The following LOC400499 variants were observed in gnomAD, a reference collection of about 807,000 sequenced individuals.
At chr16:11,385,603 T>C in the LOC400499 span, among the ~76,000 whole-genome samples, 8 of 152,310 alleles carry the variant, frequency 5.3e-5, no homozygotes, top group Admixed American at 5.2e-4. Flanking sequence ...CAAGATGACA[T>C]GAGCTGAAGG....
chr16:11,398,147 T>C, the LOC400499 span, among the ~76,000 whole-genome samples: 3 of 152,264 alleles, frequency 2.0e-5, no homozygotes, highest in Middle Eastern at 3.4e-3. Context: ...AACCTGCTGC[T>C]CCTTCCTCAG....
chr16:11,487,261 C>A, the LOC400499 span: 1 of 398,814 alleles, frequency 2.5e-6, no homozygotes, highest in Non-Finnish European at 4.4e-6. Flanking sequence ...TCCCCTCTAA[C>A]CTCCAGAAGG....
At chr16:11,430,171 A>G in the LOC400499 span, among the ~76,000 whole-genome samples, 1 of 152,120 alleles carries the variant, frequency 6.6e-6, no homozygotes, top group Admixed American at 6.6e-5. Context: ...GTTTCACAAC[A>G]TGACTGCCCG....
the LOC400499 span, among the ~76,000 whole-genome samples, chr16:11,431,390 A>C: frequency 1.2e-4 from 19 of 152,154 alleles, 1 homozygote; most frequent in Admixed American, 1.2e-3. Flanking sequence ...TAAAGTGGAC[A>C]TACTGATATT....
the LOC400499 span, among the ~76,000 whole-genome samples, chr16:11,525,277 G>C: frequency 1.4e-5 from 2 of 142,146 alleles, no homozygotes; most frequent in Non-Finnish European, 3.0e-5. Context: ...GGGTAGCAGA[G>C]TTAAGACCTT....
chr16:11,475,065 T>C, the LOC400499 span, among the ~76,000 whole-genome samples: 1 of 152,212 alleles, frequency 6.6e-6, no homozygotes, highest in African/African-American at 2.4e-5. Flanking sequence ...CAAGTATGAA[T>C]ATGTAAGTGA....
the LOC400499 span, among the ~76,000 whole-genome samples, chr16:11,458,106 A>C: frequency 6.6e-6 from 1 of 152,230 alleles, no homozygotes; most frequent in East Asian, 1.9e-4. Flanking sequence ...ACACTTTGGG[A>C]GGCCAAGGCA....
At chr16:11,434,172 G>C in the LOC400499 span, among the ~76,000 whole-genome samples, 1 of 152,116 alleles carries the variant, frequency 6.6e-6, no homozygotes, top group African/African-American at 2.4e-5. Flanking sequence ...CAGAACCTAG[G>C]TTCTTCCACC....
chr16:11,405,677 C>T, the LOC400499 span, among the ~76,000 whole-genome samples: 4 of 152,274 alleles, frequency 2.6e-5, no homozygotes, highest in East Asian at 5.8e-4. Flanking sequence ...CACTACTGCC[C>T]CCAGCTTGGT....
At chr16:11,514,499 C>T in the LOC400499 span, 95 of 399,640 alleles carry the variant, frequency 2.4e-4, no homozygotes, top group East Asian at 2.6e-3. Flanking sequence ...CACTCCGGCC[C>T]GGAAGCTCTG....
At chr16:11,457,875 C>A in the LOC400499 span, among the ~76,000 whole-genome samples, 1 of 152,096 alleles carries the variant, frequency 6.6e-6, no homozygotes, top group East Asian at 1.9e-4. Flanking sequence ...TATGGATGAA[C>A]CTTGAGGACA....
the LOC400499 span, among the ~76,000 whole-genome samples, chr16:11,505,062 C>T: frequency 6.6e-6 from 1 of 151,904 alleles, no homozygotes; most frequent in African/African-American, 2.4e-5. Flanking sequence ...TGGCCGCATG[C>T]TACTCAGTAG....
chr16:11,393,259 G>C, the LOC400499 span: 1 of 635,866 alleles, frequency 1.6e-6, no homozygotes. Context: ...CTCCCAAAGT[G>C]CTAGGATTAC....
At chr16:11,392,624 C>T in the LOC400499 span, 19 of 482,110 alleles carry the variant, frequency 3.9e-5, no homozygotes, top group African/African-American at 3.2e-4. Context: ...GATTTGAGAA[C>T]CTTGAGCTGC....
the LOC400499 span, chr16:11,402,259 G>A: frequency 2.5e-6 from 1 of 398,602 alleles, no homozygotes; most frequent in Non-Finnish European, 4.4e-6. Flanking sequence ...GCCACTGCCA[G>A]CTCACGCAAA....
the LOC400499 span, among the ~76,000 whole-genome samples, chr16:11,444,421 A>G: frequency 1.3e-5 from 2 of 152,120 alleles, no homozygotes; most frequent in African/African-American, 4.8e-5. Context: ...CCTCTAAGTC[A>G]GGGGTCAGCA....
the LOC400499 span, chr16:11,501,933 A>T: frequency 5.1e-6 from 2 of 393,250 alleles, no homozygotes; most frequent in Non-Finnish European, 9.0e-6. Context: ...TCTCAGACTG[A>T]AGGACAAGTC....
the LOC400499 span, chr16:11,460,827 C>A: frequency 7.9e-7 from 1 of 1,266,080 alleles, no homozygotes; most frequent in Admixed American, 2.8e-5. Flanking sequence ...GTATTCAGTC[C>A]TACTCAGAGC....
At chr16:11,406,480 C>T in the LOC400499 span, among the ~76,000 whole-genome samples, 3 of 152,166 alleles carry the variant, frequency 2.0e-5, no homozygotes, top group Non-Finnish European at 2.9e-5. Flanking sequence ...TCACCCAGGC[C>T]GCAGTGCAAC....
Sources: gnomAD v4.1 joint callset for allele counts (sites outside exome capture counted in the v4.1 genomes callset) on GRCh38, gnomAD v4.1.1 for gene constraint, MANE v1.5 for transcripts.